SFMBT2: variants seen among roughly 807,000 people sequenced by gnomAD.
SFMBT2 encodes the protein scm-like with four MBT domains protein 2.
Under a neutral mutation model 110.1 loss-of-function variants are expected in SFMBT2, and 38 were observed. The observed-to-expected ratio is 0.35, with a 90% CI of 0.27 to 0.45. SFMBT2 has a LOEUF of 0.45. SFMBT2 is among the 20% of genes least tolerant of loss of function. The probability of loss-of-function intolerance (pLI) is 1.00; values close to 1 mark genes in which losing one functional copy is unlikely to be tolerated. For missense variants in SFMBT2, 1,011 were observed against 1,094.9 expected, an observed-to-expected ratio of 0.92 and a Z score of 1.08; for synonymous variants, 425 against 425.4, an observed-to-expected ratio of 1.00 and a Z score of 0.01.
At chr10:7,186,459 C>CACATATATATATATATATAT (rs748644225) in intron 16 of SFMBT2, among the ~76,000 whole-genome samples, 1 of 126,896 alleles carries the variant, frequency 7.9e-6, no homozygotes, top group African/African-American at 3.2e-5. Flanking sequence ...CACACACACA[C>CACATATATATATATATATAT]ATATATATAT....
chr10:7,212,817 C>T (rs1839394653), intron 11 of SFMBT2, among the ~76,000 whole-genome samples: 1 of 152,204 alleles, frequency 6.6e-6, no homozygotes, highest in South Asian at 2.1e-4. Context: ...ATAGCAAAGA[C>T]TTGCAACCAA....
In SFMBT2 at chr10:7,228,023, G is replaced by C. The variant is rs966636328; in HGVS notation, c.1121-86C>G. 2.2e-5 allele frequency: 21 copies of C among 952,836 alleles called. No homozygotes were observed. The African/African-American group carries it at 3.6e-4, about 16-fold the overall frequency. The allele number at this position is 952,836 out of a possible 1,614,324, so 59.0% of individuals were successfully genotyped here. Reference sequence around the variant, plus strand: ...CAAAATCAGAAGGGGTGAAAGTTTAGGCTCCCAAAAGATAATGTCCTCTGA... The same window carrying C: ...CAAAATCAGAAGGGGTGAAAGTTTACGCTCCCAAAAGATAATGTCCTCTGA... On this transcript the variant is annotated intron_variant, in intron 9 of 20. Coordinates refer to ENST00000397167, the MANE Select transcript of SFMBT2 (RefSeq NM_001387889.1).
At chr10:7,317,022 A>C (rs1467256242) in intron 4 of SFMBT2, among the ~76,000 whole-genome samples, 2 of 152,204 alleles carry the variant, frequency 1.3e-5, no homozygotes, top group East Asian at 3.8e-4. Flanking sequence ...ACTGTGTACT[A>C]AATGAGCACA....
At chr10:7,226,920 C>T (rs1839913468) in intron 10 of SFMBT2, among the ~76,000 whole-genome samples, 1 of 152,180 alleles carries the variant, frequency 6.6e-6, no homozygotes, top group African/African-American at 2.4e-5. Flanking sequence ...AAGGTACGCT[C>T]TATGACATTC....
chr10:7,250,291 C>T (rs888815634), intron 7 of SFMBT2, among the ~76,000 whole-genome samples: 3 of 152,138 alleles, frequency 2.0e-5, no homozygotes, highest in African/African-American at 4.8e-5. Flanking sequence ...TGTTTACATC[C>T]GTGTGTGCTC....
chr10:7,226,246 T>C (rs1839893090), intron 10 of SFMBT2, among the ~76,000 whole-genome samples: 1 of 152,254 alleles, frequency 6.6e-6, no homozygotes, highest in African/African-American at 2.4e-5. Flanking sequence ...AGATTTGAGC[T>C]ACTTCTCAAG....
intron 10 of SFMBT2, among the ~76,000 whole-genome samples, chr10:7,227,552 CATA>C (rs1395167890): frequency 6.6e-6 from 1 of 152,200 alleles, no homozygotes; most frequent in Non-Finnish European, 1.5e-5. Context: ...GGTTACTCAC[CATA>C]ATGAGAACCA....
At chr10:7,191,756 T>C (rs575326751) in intron 15 of SFMBT2, among the ~76,000 whole-genome samples, 39 of 152,354 alleles carry the variant, frequency 2.6e-4, no homozygotes, top group Non-Finnish European at 3.5e-4. Context: ...GCTGTATCCA[T>C]GGCAGATACA....
intron 12 of SFMBT2, 126 bp from the exon 13 acceptor site, chr10:7,202,648 C>A: frequency 6.5e-7 from 1 of 1,546,034 alleles, no homozygotes; most frequent in Non-Finnish European, 8.7e-7. Context: ...TGAAAAGTTA[C>A]GTCATTCATG....
chr10:7,191,339 C>T (rs767287425), intron 15 of SFMBT2, among the ~76,000 whole-genome samples: 14 of 152,268 alleles, frequency 9.2e-5, no homozygotes, highest in South Asian at 2.1e-4. Flanking sequence ...AGCACATGGC[C>T]GAAACGCTGG....
intron 1 of SFMBT2, among the ~76,000 whole-genome samples, chr10:7,398,106 C>T (rs1434873644): frequency 2.0e-5 from 3 of 152,158 alleles, no homozygotes; most frequent in Non-Finnish European, 4.4e-5. Context: ...ATAAGAAATG[C>T]TAATTTCTTA....
chr10:7,326,873 A>G (rs1469039232), intron 4 of SFMBT2, among the ~76,000 whole-genome samples: 1 of 152,160 alleles, frequency 6.6e-6, no homozygotes, highest in African/African-American at 2.4e-5. Context: ...CTTAAAACCG[A>G]ACTAGATTCC....
rs34153060 is a variant in SFMBT2, at chr10:7,323,470, CAA to C, written c.437-37518_437-37517del. Among the ~76,000 whole-genome samples, 35 of 120,564 alleles carry C rather than the reference CAA, an allele frequency of 2.9e-4. No individual in the cohort carries two copies. The Middle Eastern group carries it at 0.014, about 47-fold the overall frequency. The allele number at this position is 120,564 out of a possible 152,430, so 79.1% of individuals were successfully genotyped here. Reference sequence around the variant, plus strand: ...CATCTCAAAAAAAAAAAAAAAAAACCAAAAAAAAAAAAAATGAGGAAAATAAA... The same window carrying C: ...CATCTCAAAAAAAAAAAAAAAAAACCAAAAAAAAAAAATGAGGAAAATAAA... On this transcript the variant is annotated intron_variant, in intron 4 of 20. Coordinates refer to ENST00000397167, the MANE Select transcript of SFMBT2 (RefSeq NM_001387889.1).
chr10:7,333,229 G>A (rs1342629110), intron 4 of SFMBT2, among the ~76,000 whole-genome samples: 1 of 152,156 alleles, frequency 6.6e-6, no homozygotes, highest in African/African-American at 2.4e-5. Flanking sequence ...GAGAGATAAG[G>A]AAAAATAGAA....
chr10:7,388,524 ATTTTTTT>A lies in SFMBT2; in HGVS notation c.-51-6582_-51-6576del, dbSNP rs60231769. On this transcript the variant is annotated intron_variant, in intron 1 of 20. Transcript: ENST00000397167. The stretch of plus-strand genomic sequence containing the variant: ...AGGTGCACCTGACCATACCCAGCTA[ATTTTTTT>A]TTTTTTTTTTTTTTTTTGTATTTTA... Among the ~76,000 whole-genome samples, 30 of 112,088 alleles carry A rather than the reference ATTTTTTT, an allele frequency of 2.7e-4. 1 individual carries two copies. The South Asian group carries it at 4.0e-3, about 15-fold the overall frequency. The allele number at this position is 112,088 out of a possible 152,430, so 73.5% of individuals were successfully genotyped here. A position where few individuals can be genotyped will look rare whatever the true frequency, so the allele number is the denominator to read the frequency against.
Position 7,370,760 on chromosome 10 carries a change from G to A in SFMBT2, c.101-385C>T, listed in dbSNP as rs558340136. 1.4e-5 allele frequency: 13 copies of A among 911,268 alleles called. No homozygotes were observed. The Admixed American group carries it at 2.5e-4, about 17-fold the overall frequency. 56.4% of individuals were successfully genotyped at this position (911,268 alleles called of 1,614,324 possible). On this transcript the variant is annotated intron_variant, in intron 2 of 20. Coordinates refer to ENST00000397167, the MANE Select transcript of SFMBT2 (RefSeq NM_001387889.1). ...AGGAACCCATCGTGCGCTGAGCAAG[G>A]GCTGTGATGTAGGCTGTGATGTATA...
At chr10:7,200,537 A>G in intron 13 of SFMBT2, 53 bp from the exon 14 acceptor site, 1 of 1,442,582 alleles carries the variant, frequency 6.9e-7, no homozygotes, top group Admixed American at 2.1e-5. Context: ...AGAAGGAACT[A>G]CTACATTCCA....
intron 15 of SFMBT2, among the ~76,000 whole-genome samples, chr10:7,192,294 T>G (rs992172291): frequency 6.6e-6 from 1 of 152,222 alleles, no homozygotes; most frequent in East Asian, 1.9e-4. Flanking sequence ...ACATTCCCTC[T>G]GTCCAATATC....
chr10:7,334,213 G>A (rs34365089), intron 4 of SFMBT2, among the ~76,000 whole-genome samples: 6,733 of 152,164 alleles, frequency 0.044, 204 homozygotes, highest in Non-Finnish European at 0.071. Flanking sequence ...GCCAGGCACC[G>A]TCACATCCAC....
Sources: gnomAD v4.1 joint callset for allele counts (sites outside exome capture counted in the v4.1 genomes callset) on GRCh38, gnomAD v4.1.1 for gene constraint, MANE v1.5 for transcripts, NCBI Gene and HGNC (gene_info 2026-07-23, HGNC 2026-07-21) for gene names.